Variants in RPL24 observed in about 807,000 individuals in gnomAD.
RPL24 encodes the protein large ribosomal subunit protein eL24.
In RPL24, 7 loss-of-function variants were observed where a neutral mutation model predicts 26.4. That is an observed-to-expected ratio of 0.27 (90% CI 0.15 to 0.50). The LOEUF (loss-of-function observed/expected upper bound fraction) is 0.50, where lower values mean the gene tolerates loss of function less well. Ranked by LOEUF, RPL24 falls within the 20% of genes least tolerant of loss-of-function variation. The pLI, the probability that RPL24 is intolerant of heterozygous loss-of-function variation, is 0.98. For synonymous variants in RPL24, 67 were observed against 65.2 expected, an observed-to-expected ratio of 1.03 and a Z score of -0.13; for missense variants, 109 against 194.9, an observed-to-expected ratio of 0.56 and a Z score of 2.62.
intron 5 of RPL24, 145 bp from the exon 6 acceptor site, chr3:101,681,360 AC>A: frequency 6.4e-6 from 4 of 629,542 alleles, no homozygotes; most frequent in Non-Finnish European, 1.2e-5. Flanking sequence ...TAATGTGACT[AC>A]CCTTAAATAT....
At position 101,686,705 on chromosome 3, in the gene RPL24, T is replaced by C. The variant is rs750499441; in HGVS notation, c.-29A>G. On this transcript the variant is annotated 5_prime_UTR_variant, in exon 1 of 6. Coordinates refer to ENST00000394077, the MANE Select transcript of RPL24 (RefSeq NM_000986.4). ...GACAGCTCCACGGAAAGACAAAAGA[T>C]GGCGAAAAGAAAGAGAGAATCATGG... The C allele has an allele frequency of 5.6e-6, 9 of 1,613,974 alleles. No homozygotes were observed. The highest frequency in any genetic ancestry group is 2.7e-5 in the African/African-American group (2 of 74,938).
At chr3:101,686,368 G>A in intron 2 of RPL24, 114 bp downstream of exon 2, 1 of 819,130 alleles carries the variant, frequency 1.2e-6, no homozygotes, top group Non-Finnish European at 1.9e-6. Flanking sequence ...GAGCGTCCAC[G>A]AAGACTTCCA....
At chr3:101,686,200 G>C in intron 2 of RPL24, 1 of 577,504 alleles carries the variant, frequency 1.7e-6, no homozygotes. Flanking sequence ...TTCTGCTCTT[G>C]TCCGTCCCAG....
Position 101,683,002 on chromosome 3 carries a change from AT to A in RPL24, c.193-96del. ...TCTTTTAAGACAGGGCAAATGAAGT[AT>A]TTTAAGATTCATATTCAACAAAAAA... is the stretch of plus-strand genomic sequence containing the variant. On this transcript the variant is annotated intron_variant, in intron 3 of 5. Coordinates refer to ENST00000394077, the MANE Select transcript of RPL24 (RefSeq NM_000986.4). 3 of 1,088,090 alleles carry A rather than the reference AT, an allele frequency of 2.8e-6. 1 individual carries two copies. In the South Asian group the frequency reaches 5.3e-5, roughly 19 times the overall value. 67.4% of individuals were successfully genotyped at this position (1,088,090 alleles called of 1,614,324 possible).
intron 3 of RPL24, 51 bp downstream of exon 3, chr3:101,685,767 G>C: frequency 9.6e-7 from 1 of 1,042,108 alleles, no homozygotes. Context: ...CGTTCAGAGA[G>C]CTTTGACAAC....
chr3:101,683,009 G>C, intron 3 of RPL24, 102 bp from the exon 4 acceptor site: 1 of 1,016,148 alleles, frequency 9.8e-7, no homozygotes, highest in Non-Finnish European at 1.4e-6. Context: ...AGTATTTTAA[G>C]ATTCATATTC....
intron 3 of RPL24, among the ~76,000 whole-genome samples, chr3:101,684,634 A>G (rs1436539564): frequency 2.0e-5 from 3 of 151,938 alleles, no homozygotes; most frequent in African/African-American, 4.8e-5. Flanking sequence ...TATTTAAAAA[A>G]TAGCTGGGCC....
At chr3:101,684,645 A>G (rs1034597194) in intron 3 of RPL24, among the ~76,000 whole-genome samples, 5 of 151,814 alleles carry the variant, frequency 3.3e-5, no homozygotes, top group African/African-American at 1.2e-4. Context: ...TAGCTGGGCC[A>G]TGGTGGCATG....
chr3:101,684,122 G>A (rs905633867), intron 3 of RPL24, among the ~76,000 whole-genome samples: 7 of 151,708 alleles, frequency 4.6e-5, no homozygotes, highest in Admixed American at 3.3e-4. Context: ...GCCTCCCAAA[G>A]TGCTGGAATT....
chr3:101,686,351 G>A, intron 2 of RPL24, 131 bp downstream of exon 2: 2 of 713,246 alleles, frequency 2.8e-6, no homozygotes, highest in Non-Finnish European at 4.7e-6. Flanking sequence ...CTAACGACCA[G>A]TCCACAGAGC....
chr3:101,681,954 T>C (rs1267440159), intron 5 of RPL24: 1 of 159,874 alleles, frequency 6.3e-6, no homozygotes, highest in Non-Finnish European at 1.4e-5. Flanking sequence ...TCTGGAGACC[T>C]GAACCATTGG....
chr3:101,685,675 T>A, intron 3 of RPL24, 143 bp downstream of exon 3: 1 of 505,482 alleles, frequency 2.0e-6, no homozygotes, highest in East Asian at 3.1e-5. Context: ...GTTTATAATA[T>A]CTTTTTCATT....
At chr3:101,682,669 A>T in intron 4 of RPL24, 102 bp downstream of exon 4, 1 of 1,289,988 alleles carries the variant, frequency 7.8e-7, no homozygotes, top group Non-Finnish European at 1.1e-6. Flanking sequence ...CCACCAAATC[A>T]GCTTAACATA....
Position 101,686,566 on chromosome 3 carries a change from A to G in RPL24, c.6-9T>C. 1.2e-6 allele frequency: 2 copies of G among 1,614,228 alleles called. No individual in the cohort carries two copies. The highest frequency in any genetic ancestry group is 1.7e-6 in the Non-Finnish European group (2 of 1,180,038). The stretch of plus-strand genomic sequence containing the variant: ...AACTGCACAGCTCGACCCTGCAACA[A>G]AAAGTGAAAGTCCATCAGGGAGGGT... On this transcript the variant is annotated splice_polypyrimidine_tract_variant and intron_variant, in intron 1 of 5. Coordinates refer to ENST00000394077, the MANE Select transcript of RPL24 (RefSeq NM_000986.4).
chr3:101,682,348 G>A (rs988489050), intron 5 of RPL24, 81 bp downstream of exon 5: 1 of 1,107,920 alleles, frequency 9.0e-7, no homozygotes, highest in Non-Finnish European at 1.4e-6. Context: ...CCCATCCTGG[G>A]CAACAGAGCA....
intron 2 of RPL24, chr3:101,686,271 A>T (rs188259906): frequency 1.7e-6 from 1 of 593,552 alleles, no homozygotes; most frequent in East Asian, 2.8e-5. Flanking sequence ...TCAGTTACAT[A>T]AACCCCTCCT....
At chr3:101,682,243 G>A (rs994129218) in intron 5 of RPL24, 186 bp downstream of exon 5, 8 of 600,310 alleles carry the variant, frequency 1.3e-5, no homozygotes, top group Non-Finnish European at 2.4e-5. Flanking sequence ...GCGCGCACCT[G>A]TACTCCCAGC....
intron 3 of RPL24, among the ~76,000 whole-genome samples, chr3:101,683,710 T>C (rs1308963350): frequency 1.3e-5 from 2 of 149,994 alleles, no homozygotes; most frequent in Non-Finnish European, 3.0e-5. Context: ...TTCTTTTCTT[T>C]TTTTTTTTTT....
rs1937262255 is a variant in RPL24 at position 101,681,514 on chromosome 3, G to A, written c.394-299C>T. On this transcript the variant is annotated intron_variant, in intron 5 of 5. Coordinates refer to ENST00000394077, the MANE Select transcript of RPL24 (RefSeq NM_000986.4). ...GAAAAGATCTCAGTAACAGTACAGT[G>A]TTTACTCAGCTTTTCTCAATGTTAT... 9 of 314,656 alleles carry A rather than the reference G, an allele frequency of 2.9e-5. No individual in the cohort carries two copies. In the South Asian group the frequency reaches 4.2e-4, roughly 15 times the overall value. 19.5% of individuals were successfully genotyped at this position (314,656 alleles called of 1,614,324 possible).
Sources: allele counts gnomAD v4.1 joint callset (sites outside exome capture counted in the v4.1 genomes callset), GRCh38; gene constraint gnomAD v4.1.1; transcripts MANE v1.5; gene names NCBI Gene and HGNC (gene_info 2026-07-23, HGNC 2026-07-21).